Variants in CDC27 observed in about 807,000 individuals in gnomAD.
CDC27 encodes cell division cycle protein 27 homolog.
Under a neutral mutation model 109.7 loss-of-function variants are expected in CDC27, and 27 were observed. The ratio of observed to expected loss-of-function variants is 0.25; its 90% CI spans 0.18 to 0.34. The LOEUF (loss-of-function observed/expected upper bound fraction) is 0.34. Among genes scored for constraint, CDC27 ranks in the 10% least tolerant of loss-of-function variants. The pLI is 1.00. For missense variants in CDC27, 579 were observed against 960.2 expected (o/e 0.60, Z 5.25); for synonymous variants, 266 against 333.9 (o/e 0.80, Z 2.22).
At chr17:47,176,654 T>C (rs947137780) in intron 2 of CDC27, among the ~76,000 whole-genome samples, 2 of 152,162 alleles carry the variant, frequency 1.3e-5, no homozygotes, top group African/African-American at 4.8e-5. Flanking sequence ...TAGATACTTC[T>C]GAAGGGTTTT....
chr17:47,161,194 A>T (rs1422540895), intron 4 of CDC27: 3 of 144,092 alleles, frequency 2.1e-5, no homozygotes, highest in African/African-American at 7.6e-5. Flanking sequence ...TGGCTAATTA[A>T]AAAAAAAAAA....
chr17:47,166,540 A>G (rs78943400), intron 4 of CDC27, among the ~76,000 whole-genome samples: 12,041 of 152,062 alleles, frequency 0.079, 641 homozygotes, highest in South Asian at 0.19. Flanking sequence ...AATCTTTCCA[A>G]GGACCAGCTT....
chr17:47,127,238 G>A (rs2062170805), intron 16 of CDC27, among the ~76,000 whole-genome samples: 1 of 152,036 alleles, frequency 6.6e-6, no homozygotes, highest in Admixed American at 6.6e-5. Flanking sequence ...ACTCCAGCTT[G>A]GGCAACAGAG....
chr17:47,172,545 T>A (rs1278922460), intron 2 of CDC27, among the ~76,000 whole-genome samples: 1 of 152,206 alleles, frequency 6.6e-6, no homozygotes, highest in Non-Finnish European at 1.5e-5. Flanking sequence ...CTTGTTTTGC[T>A]TTAACATCAA....
chr17:47,182,015 G>T (rs2149005027), intron 1 of CDC27, among the ~76,000 whole-genome samples: 1 of 152,256 alleles, frequency 6.6e-6, no homozygotes, highest in Non-Finnish European at 1.5e-5. Context: ...TCTTTTTTAA[G>T]ATACCTCTTC....
chr17:47,174,297 T>C (rs1371616116), intron 2 of CDC27, among the ~76,000 whole-genome samples: 1 of 152,194 alleles, frequency 6.6e-6, no homozygotes, highest in Non-Finnish European at 1.5e-5. Context: ...TGGATAGGAT[T>C]GACAAAGATT....
intron 9 of CDC27, among the ~76,000 whole-genome samples, chr17:47,147,166 C>T (rs561710471): frequency 1.2e-3 from 184 of 152,000 alleles, no homozygotes; most frequent in East Asian, 3.9e-4. Context: ...TTTGGGAGGC[C>T]GAGACGGGCG....
intron 16 of CDC27, among the ~76,000 whole-genome samples, chr17:47,126,487 T>C (rs1451092102): frequency 6.6e-6 from 1 of 152,092 alleles, no homozygotes; most frequent in African/African-American, 2.4e-5. Context: ...CTACTTTGGA[T>C]TGGAAGGCTG....
intron 12 of CDC27, among the ~76,000 whole-genome samples, chr17:47,140,887 G>T (rs2062773650): frequency 2.0e-5 from 3 of 152,166 alleles, no homozygotes; most frequent in Non-Finnish European, 4.4e-5. Context: ...CTTTCCCCTA[G>T]ATCTTTGCAT....
chr17:47,130,314 C>T (rs1394410004), intron 15 of CDC27, among the ~76,000 whole-genome samples: 2 of 151,670 alleles, frequency 1.3e-5, no homozygotes, highest in African/African-American at 2.4e-5. Flanking sequence ...GAGCCAAGAT[C>T]GCGCCACTGC....
At chr17:47,159,440 CT>C in intron 4 of CDC27, 2 of 790,260 alleles carry the variant, frequency 2.5e-6, no homozygotes, top group Non-Finnish European at 3.9e-6. Context: ...TGAGCAGCTT[CT>C]TGGGCACACG....
intron 4 of CDC27, among the ~76,000 whole-genome samples, chr17:47,166,542 G>A (rs1032177712): frequency 6.6e-6 from 1 of 151,954 alleles, no homozygotes; most frequent in African/African-American, 2.4e-5. Flanking sequence ...TCTTTCCAAG[G>A]ACCAGCTTTG....
intron 4 of CDC27, among the ~76,000 whole-genome samples, chr17:47,158,832 C>T (rs1357155541): frequency 1.3e-5 from 2 of 152,104 alleles, no homozygotes; most frequent in East Asian, 1.9e-4. Flanking sequence ...GATGCCCAGG[C>T]GGGTCTTGAA....
At chr17:47,170,318 CT>C (rs1401875821) in intron 3 of CDC27, 5 of 199,150 alleles carry the variant, frequency 2.5e-5, no homozygotes, top group Non-Finnish European at 5.1e-5. Flanking sequence ...TTGCATCAGC[CT>C]TGTGAGTAGC....
At chr17:47,184,202 T>C (rs2064344888) in intron 1 of CDC27, among the ~76,000 whole-genome samples, 2 of 152,316 alleles carry the variant, frequency 1.3e-5, no homozygotes, top group East Asian at 1.9e-4. Flanking sequence ...ATCTGATAAA[T>C]GGAGTTTATT....
chr17:47,161,069 T>C (rs1721164058), intron 4 of CDC27: 1 of 151,860 alleles, frequency 6.6e-6, no homozygotes, highest in Non-Finnish European at 1.5e-5. Flanking sequence ...TTCTTTTTTT[T>C]TTTTTTAAAG....
intron 2 of CDC27, 142 bp downstream of exon 2, chr17:47,181,420 A>G: frequency 2.0e-6 from 1 of 492,252 alleles, no homozygotes; most frequent in South Asian, 3.4e-5. Flanking sequence ...ACACAGAAAA[A>G]AAGTAAAGAT....
chr17:47,159,815 G>T, intron 4 of CDC27: 1 of 465,024 alleles, frequency 2.2e-6, no homozygotes. Flanking sequence ...TTCCCTGATG[G>T]GCAGGGAGAA....
chr17:47,156,342 G>T (rs2063304839), intron 7 of CDC27, among the ~76,000 whole-genome samples: 1 of 152,034 alleles, frequency 6.6e-6, no homozygotes, highest in Admixed American at 6.6e-5. Context: ...GTTTCGCCAT[G>T]TTGGCCAGGA....
Sources: allele counts gnomAD v4.1 joint callset (sites outside exome capture counted in the v4.1 genomes callset), GRCh38; gene constraint gnomAD v4.1.1; transcripts MANE v1.5; gene names NCBI Gene and HGNC (gene_info 2026-07-23, HGNC 2026-07-21).